SOS2: variants seen among roughly 807,000 people sequenced by gnomAD.
SOS2 encodes the protein SOS Ras/Rho guanine nucleotide exchange factor 2.
A neutral mutation model predicts 148.2 loss-of-function variants in SOS2; 65 were observed. The ratio of observed to expected loss-of-function variants is 0.44; its 90% CI spans 0.36 to 0.54. The LOEUF (loss-of-function observed/expected upper bound fraction) is 0.54. Among genes scored for constraint, SOS2 ranks in the 20% least tolerant of loss-of-function variants. The pLI, the probability that SOS2 is intolerant of heterozygous loss-of-function variation, is 0.00. For missense variants in SOS2, 1,341 were observed against 1,590.2 expected, an observed-to-expected ratio of 0.84 and a Z score of 2.67; for synonymous variants, 539 against 537.1, an observed-to-expected ratio of 1.00 and a Z score of -0.05.
chr14:50,229,466 G>A (rs1034828194), intron 1 of SOS2, among the ~76,000 whole-genome samples: 4 of 150,540 alleles, frequency 2.7e-5, no homozygotes, highest in Non-Finnish European at 4.4e-5. Context: ...CAATGGACTA[G>A]GATTGGATGC....
intron 8 of SOS2, among the ~76,000 whole-genome samples, chr14:50,170,854 T>C: frequency 6.8e-6 from 1 of 146,570 alleles, no homozygotes; most frequent in Admixed American, 6.9e-5. Context: ...GGCTCACGCC[T>C]ATAATCCCAG....
At chr14:50,189,061 T>TCTCACA (rs754710630) in intron 4 of SOS2, among the ~76,000 whole-genome samples, 17 of 128,780 alleles carry the variant, frequency 1.3e-4, no homozygotes, top group East Asian at 1.3e-3. Flanking sequence ...CGAGACTCCA[T>TCTCACA]CACACACACA....
chr14:50,159,480 T>C lies in SOS2; in HGVS notation c.1803A>G (p.Gly601=). The C allele has an allele frequency of 1.2e-6, 2 of 1,612,846 alleles. No individual in the cohort carries two copies. The highest frequency in any genetic ancestry group is 1.7e-6 in the Non-Finnish European group (2 of 1,178,968). The change falls in exon 10 of 23, where the codon GGA becomes GGG. Residue 601 remains glycine (G), a synonymous_variant. Transcript: ENST00000216373. ...QSRSGIPIIK[G]GTVVKLIERL... is the part of the protein sequence containing the mutation. ...TTTCAATTAATTTCACTACAGTTCC[T>C]CCTTTAATAATGGGGATGCCACTTC...
chr14:50,120,214 C>A, intron 22 of SOS2, 61 bp downstream of exon 22: 1 of 768,892 alleles, frequency 1.3e-6, no homozygotes, highest in South Asian at 1.6e-5. Context: ...CTTTATAACA[C>A]TAGGCATTAT....
chr14:50,121,949 G>C (rs1883528698), intron 21 of SOS2, among the ~76,000 whole-genome samples: 1 of 152,124 alleles, frequency 6.6e-6, no homozygotes, highest in African/African-American at 2.4e-5. Context: ...CCAATTCAAG[G>C]CAAGGAATAG....
At chr14:50,127,113 C>G (rs1435930419) in intron 21 of SOS2, among the ~76,000 whole-genome samples, 4 of 149,274 alleles carry the variant, frequency 2.7e-5, no homozygotes, top group Non-Finnish European at 4.4e-5. Flanking sequence ...CGTTTCTTAG[C>G]TTCCTTTGTA....
intron 18 of SOS2, among the ~76,000 whole-genome samples, chr14:50,137,796 TC>T (rs1884132624): frequency 6.6e-6 from 1 of 152,190 alleles, no homozygotes; most frequent in South Asian, 2.1e-4. Flanking sequence ...CAAGCATTTA[TC>T]CTTTGTATTA....
chr14:50,199,876 T>G (rs781063549), intron 3 of SOS2, 21 bp from the exon 4 acceptor site: 2 of 1,487,870 alleles, frequency 1.3e-6, no homozygotes, highest in Admixed American at 4.1e-5. Flanking sequence ...AATAAATAAT[T>G]TAATTGCAAA....
intron 3 of SOS2, among the ~76,000 whole-genome samples, chr14:50,200,555 T>C (rs1017299209): frequency 6.6e-6 from 1 of 152,080 alleles, no homozygotes; most frequent in Non-Finnish European, 1.5e-5. Flanking sequence ...GCCATAAAGA[T>C]GCCACAATGG....
chr14:50,159,710 C>A lies in SOS2; in HGVS notation c.1573G>T (p.Ala525Ser), dbSNP rs1884934518. 6.2e-7 allele frequency: 1 copy of A among 1,614,080 alleles called. No individual in the cohort carries two copies. Among genetic ancestry groups the A allele is most frequent in the South Asian group, 1.1e-5 (1 of 91,074 alleles). The change falls in exon 10 of 23, where the codon GCT becomes TCT. Residue 525 changes from alanine (A) to serine (S), a missense_variant. Ala to Ser is a moderately conservative substitution (Grantham distance 99). This residue lies in a region of SOS2 where 574 missense variants were observed against 711.1 expected (regional missense o/e 0.81). Coordinates refer to ENST00000216373, the MANE Select transcript of SOS2 (RefSeq NM_006939.4). Reference sequence around the variant, plus strand: ...TTTTTTTCTTCAGCAGACTTAGCAGCAAATATTATGCTGTTCTCATCTTTG... The same window carrying A: ...TTTTTTTCTTCAGCAGACTTAGCAGAAAATATTATGCTGTTCTCATCTTTG... The part of the protein sequence containing the change: ...VSKDENSIIF[A>S]AKSAEEKNNW...
intron 1 of SOS2, among the ~76,000 whole-genome samples, chr14:50,217,883 A>C (rs542380880): frequency 2.0e-5 from 3 of 152,020 alleles, no homozygotes; most frequent in Admixed American, 2.0e-4. Flanking sequence ...GTGAACCCGG[A>C]GGCAGAGCTT....
chr14:50,229,843 G>A (rs1037564585), intron 1 of SOS2, among the ~76,000 whole-genome samples: 3 of 152,168 alleles, frequency 2.0e-5, no homozygotes, highest in African/African-American at 7.2e-5. Flanking sequence ...TGTGGTCAAA[G>A]GGCTAATTAC....
intron 12 of SOS2, 83 bp downstream of exon 12, chr14:50,156,916 T>G: frequency 1.3e-6 from 1 of 768,952 alleles, no homozygotes; most frequent in Non-Finnish European, 2.0e-6. Flanking sequence ...GTTAACTATA[T>G]ATTGAAAACT....
intron 7 of SOS2, among the ~76,000 whole-genome samples, chr14:50,178,501 T>C (rs1185651226): frequency 6.6e-6 from 1 of 151,760 alleles, no homozygotes; most frequent in Non-Finnish European, 1.5e-5. Flanking sequence ...TCTCACTCTG[T>C]AGCCCAGGCT....
intron 12 of SOS2, among the ~76,000 whole-genome samples, chr14:50,154,506 T>G (rs976597584): frequency 2.6e-5 from 4 of 152,186 alleles, no homozygotes. Context: ...GTGAAAAATA[T>G]TCACAGTAAG....
rs991507331 is a variant in SOS2, at chr14:50,182,529, T to C, written c.792A>G (p.Thr264=). 1 of 1,613,070 alleles carries C rather than the reference T, an allele frequency of 6.2e-7. No homozygotes were observed. The highest frequency in any genetic ancestry group is 1.3e-5 in the African/African-American group (1 of 75,046). The change falls in exon 6 of 23, where the codon ACA becomes ACG. Residue 264 remains threonine (T), a synonymous_variant. Coordinates refer to ENST00000216373, the MANE Select transcript of SOS2 (RefSeq NM_006939.4). ...TVKLLGLIED[T]VEMTDESSPH... ...GACTGCTTTCATCAGTCATTTCAAC[T>C]GTGTCTTCAATCAAACCTAAAAGTT...
At chr14:50,147,608 T>C (rs1420129570) in intron 14 of SOS2, among the ~76,000 whole-genome samples, 1 of 149,892 alleles carries the variant, frequency 6.7e-6, no homozygotes, top group African/African-American at 2.5e-5. Flanking sequence ...TAAAGAGAAA[T>C]AGTAAACATC....
chr14:50,227,276 G>A lies in SOS2; in HGVS notation c.87+3921C>T, dbSNP rs561539141. Among the ~76,000 whole-genome samples the A allele has an allele frequency of 2.8e-4, 34 of 120,856 alleles. 1 individual carries two copies. The South Asian group carries it at 7.0e-3, about 25-fold the overall frequency. 79.3% of individuals were successfully genotyped at this position (120,856 alleles called of 152,430 possible). On this transcript the variant is annotated intron_variant, in intron 1 of 22. Coordinates refer to ENST00000216373, the MANE Select transcript of SOS2 (RefSeq NM_006939.4). Reference sequence around the variant, plus strand: ...TTTTTTTTTTTTGAGACAGAGTCTCGCTCTGTCGCCCAGGCTGGAGTGCAG... The same window carrying A: ...TTTTTTTTTTTTGAGACAGAGTCTCACTCTGTCGCCCAGGCTGGAGTGCAG...
chr14:50,210,963 C>T (rs769247031), intron 1 of SOS2, among the ~76,000 whole-genome samples: 1 of 152,038 alleles, frequency 6.6e-6, no homozygotes, highest in Non-Finnish European at 1.5e-5. Flanking sequence ...CAATCACTTT[C>T]AAAAACTTTG....
Sources: gnomAD v4.1 joint callset for allele counts (sites outside exome capture counted in the v4.1 genomes callset) on GRCh38, gnomAD v4.1.1 for gene constraint, gnomAD v4.1.1 regional missense constraint, MANE v1.5 for transcripts, NCBI Gene and HGNC (gene_info 2026-07-23, HGNC 2026-07-21) for gene names.